DLGAP2: variants seen among roughly 807,000 people sequenced by gnomAD.
DLGAP2 encodes disks large-associated protein 2.
Under a neutral mutation model 100.3 loss-of-function variants are expected in DLGAP2, and 26 were observed. That is an observed-to-expected ratio of 0.26 (90% CI 0.19 to 0.36). The LOEUF is 0.36. Ranked by LOEUF, DLGAP2 falls within the 10% of genes least tolerant of loss-of-function variation. The pLI is 1.00. For missense variants in DLGAP2, 1,858 were observed against 1,453.2 expected (o/e 1.28, Z -4.53); for synonymous variants, 886 against 630.1 (o/e 1.41, Z -6.08).
intron 2 of DLGAP2, among the ~76,000 whole-genome samples, chr8:1,073,992 A>G (rs1356373847): frequency 1.3e-5 from 2 of 149,602 alleles, no homozygotes; most frequent in East Asian, 3.9e-4. Flanking sequence ...AGTCACTGTA[A>G]CAGAAGGGTT....
chr8:1,287,614 G>GGAA (rs1799965813), intron 3 of DLGAP2, among the ~76,000 whole-genome samples: 1 of 106,796 alleles, frequency 9.4e-6, no homozygotes, highest in Admixed American at 9.9e-5. Flanking sequence ...GGTTCTGTTA[G>GGAA]GGGAACTAGT....
At chr8:1,619,004 A>G (rs145508727) in intron 6 of DLGAP2, among the ~76,000 whole-genome samples, 62 of 152,334 alleles carry the variant, frequency 4.1e-4, no homozygotes, top group African/African-American at 1.4e-3. Flanking sequence ...GTGTGACAGA[A>G]TAGAGACTCC....
chr8:1,178,309 G>A (rs1462596202), intron 2 of DLGAP2, among the ~76,000 whole-genome samples: 1 of 152,216 alleles, frequency 6.6e-6, no homozygotes, highest in Non-Finnish European at 1.5e-5. Context: ...ATTTGGGCAA[G>A]ACCTGCGCTT....
chr8:869,689 C>T (rs1797561169), intron 1 of DLGAP2, among the ~76,000 whole-genome samples: 2 of 152,092 alleles, frequency 1.3e-5, no homozygotes, highest in South Asian at 2.1e-4. Context: ...TGTTTTGAAC[C>T]GTAGTTGGAA....
chr8:1,548,220 GA>G (rs1237755690), intron 4 of DLGAP2, among the ~76,000 whole-genome samples: 1 of 152,062 alleles, frequency 6.6e-6, no homozygotes, highest in Non-Finnish European at 1.5e-5. Flanking sequence ...AGGACTTTGG[GA>G]GGCTGAGGCC....
At chr8:1,302,911 T>C (rs946209246) in intron 3 of DLGAP2, among the ~76,000 whole-genome samples, 4 of 152,252 alleles carry the variant, frequency 2.6e-5, no homozygotes, top group Admixed American at 6.5e-5. Flanking sequence ...CTCGCCTCCT[T>C]CTGCCGTGCT....
At chr8:1,612,477 A>G (rs1019316643) in intron 6 of DLGAP2, among the ~76,000 whole-genome samples, 3 of 144,506 alleles carry the variant, frequency 2.1e-5, no homozygotes, top group African/African-American at 5.2e-5. Context: ...GGACATAGGC[A>G]TGGGCAAGGA....
intron 6 of DLGAP2, among the ~76,000 whole-genome samples, chr8:1,588,493 G>A (rs533126533): frequency 1.6e-4 from 25 of 152,284 alleles, no homozygotes; most frequent in African/African-American, 6.0e-4. Context: ...GGCGTATGAT[G>A]CCTAATTTAT....
At chr8:1,201,434 C>T (rs7818615) in intron 2 of DLGAP2, among the ~76,000 whole-genome samples, 80 of 152,204 alleles carry the variant, frequency 5.3e-4, no homozygotes, top group Non-Finnish European at 9.6e-4. Flanking sequence ...TGGATGAAGA[C>T]GCCGAGAGGA....
Position 1,107,599 on chromosome 8 carries a change from C to G in DLGAP2, c.74-151252C>G, listed in dbSNP as rs544066324. 7.2e-5 allele frequency among the ~76,000 whole-genome samples: 11 copies of G among 152,314 alleles called. No individual in the cohort carries two copies. In the South Asian group the frequency reaches 2.3e-3, roughly 32 times the overall value. On this transcript the variant is annotated intron_variant, in intron 2 of 14. Transcript: ENST00000637795. ...TGGAAACACGGAGGCAGCTGACTAT[C>G]GAGAATCCTAGGAGAATGGGCTTTC...
chr8:1,185,587 A>C (rs550338663), intron 2 of DLGAP2, among the ~76,000 whole-genome samples: 2 of 152,146 alleles, frequency 1.3e-5, no homozygotes, highest in Non-Finnish European at 2.9e-5. Flanking sequence ...TTGACTCGCT[A>C]ATTCCATCAT....
chr8:1,599,458 G>T (rs1458787338), intron 6 of DLGAP2, among the ~76,000 whole-genome samples: 1 of 152,128 alleles, frequency 6.6e-6, no homozygotes, highest in African/African-American at 2.4e-5. Context: ...TGACAGTGAG[G>T]TGTGAAAGTC....
intron 2 of DLGAP2, among the ~76,000 whole-genome samples, chr8:994,335 G>A (rs1446156389): frequency 6.6e-6 from 1 of 152,124 alleles, no homozygotes; most frequent in Non-Finnish European, 1.5e-5. Flanking sequence ...CGAGTAGCTG[G>A]GATTACAGGC....
intron 2 of DLGAP2, among the ~76,000 whole-genome samples, chr8:1,037,882 CA>C (rs1396255383): frequency 6.6e-6 from 1 of 152,230 alleles, no homozygotes; most frequent in Non-Finnish European, 1.5e-5. Flanking sequence ...AATTCTGATC[CA>C]GCAGGCCTGG....
At chr8:785,363 G>A (rs138506708) in intron 1 of DLGAP2, among the ~76,000 whole-genome samples, 64 of 151,116 alleles carry the variant, frequency 4.2e-4, no homozygotes, top group African/African-American at 1.5e-3. Flanking sequence ...GGCAGGCCGG[G>A]CCCCTGCACC....
rs530336878 is a variant in DLGAP2 at position 1,054,107 on chromosome 8, G to A, written c.73+146141G>A. 5.3e-5 allele frequency among the ~76,000 whole-genome samples: 8 copies of A among 152,144 alleles called. No individual in the cohort carries two copies. The East Asian group carries it at 1.4e-3, about 26-fold the overall frequency. ...AATGGGAGCCTCTGAGCCTGTGTGC[G>A]GCACCCGGCGTTTCTGGGAAGCTTC... On this transcript the variant is annotated intron_variant, in intron 2 of 14. Transcript: ENST00000637795.
intron 7 of DLGAP2, among the ~76,000 whole-genome samples, chr8:1,631,631 C>T (rs527357086): frequency 1.3e-5 from 2 of 152,316 alleles, no homozygotes; most frequent in East Asian, 1.9e-4. Flanking sequence ...GCCACCCCGC[C>T]GGCATTGTGC....
Position 1,609,584 on chromosome 8 carries a change from C to T in DLGAP2, c.1443-17156C>T, listed in dbSNP as rs1187277365. Among the ~76,000 whole-genome samples, 2 of 130,620 alleles carry T rather than the reference C, an allele frequency of 1.5e-5. 1 individual carries two copies. The highest frequency in any genetic ancestry group is 3.4e-5 in the Non-Finnish European group (2 of 59,332). The allele number at this position is 130,620 out of a possible 152,430, so 85.7% of individuals were successfully genotyped here. A position where few individuals can be genotyped will look rare whatever the true frequency, so the allele number is the denominator to read the frequency against. On this transcript the variant is annotated intron_variant, in intron 6 of 14. Transcript: ENST00000637795. ...GACTAAATGCTCCAATTAAAAGACA[C>T]AGACTGGCAAGTTGGATAAAGAGTC... is the stretch of plus-strand genomic sequence containing the variant.
intron 7 of DLGAP2, among the ~76,000 whole-genome samples, chr8:1,628,505 G>T (rs1394981757): frequency 6.9e-6 from 1 of 144,566 alleles, no homozygotes; most frequent in East Asian, 2.1e-4. Context: ...TTACTGTGGA[G>T]CAGGAATTAA....
Sources: allele counts gnomAD v4.1 joint callset (sites outside exome capture counted in the v4.1 genomes callset), GRCh38; gene constraint gnomAD v4.1.1; transcripts MANE v1.5; gene names NCBI Gene and HGNC (gene_info 2026-07-23, HGNC 2026-07-21).